The following SYN2 variants were observed in gnomAD, a reference collection of about 807,000 sequenced individuals.
SYN2 encodes the protein synapsin II, also known as synapsin-2.
A neutral mutation model predicts 50.9 loss-of-function variants in SYN2; 19 were observed. The ratio of observed to expected loss-of-function variants is 0.37; its 90% CI spans 0.26 to 0.55. The LOEUF (loss-of-function observed/expected upper bound fraction) is 0.55, where lower values mean the gene tolerates loss of function less well. Among genes scored for constraint, SYN2 ranks in the 20% least tolerant of loss-of-function variants. The probability of loss-of-function intolerance (pLI) is 0.81; values close to 1 mark genes in which losing one functional copy is unlikely to be tolerated. For missense variants in SYN2, 587 were observed against 576.4 expected (o/e 1.02, Z -0.19); for synonymous variants, 255 against 224.9 (o/e 1.13, Z -1.20).
intron 1 of SYN2, among the ~76,000 whole-genome samples, chr3:12,095,383 T>TA (rs1481630392): frequency 2.1e-5 from 3 of 142,316 alleles, no homozygotes; most frequent in Non-Finnish European, 4.6e-5. Flanking sequence ...TCGTCTCTAC[T>TA]AAAAAATACA....
intron 1 of SYN2, among the ~76,000 whole-genome samples, chr3:12,055,276 ATAAT>A (rs2125158227): frequency 6.6e-6 from 1 of 152,278 alleles, no homozygotes; most frequent in Non-Finnish European, 1.5e-5. Context: ...ACACCACTAA[ATAAT>A]TAATGTAAAT....
intron 1 of SYN2, among the ~76,000 whole-genome samples, chr3:12,011,294 A>T (rs1156933512): frequency 1.3e-5 from 2 of 152,234 alleles, no homozygotes; most frequent in Non-Finnish European, 2.9e-5. Flanking sequence ...AGCTTCCCAC[A>T]TAGAAGCAAT....
At chr3:12,068,754 T>C (rs1301677995) in intron 1 of SYN2, among the ~76,000 whole-genome samples, 1 of 152,238 alleles carries the variant, frequency 6.6e-6, no homozygotes, top group Non-Finnish European at 1.5e-5. Context: ...GTTCTCTTCC[T>C]GTGATATTGT....
chr3:12,151,937 G>T (rs1697308916), intron 5 of SYN2, among the ~76,000 whole-genome samples: 2 of 152,190 alleles, frequency 1.3e-5, no homozygotes, highest in Non-Finnish European at 1.5e-5. Flanking sequence ...GGGACGGTTG[G>T]TTGGTAAGGA....
chr3:12,046,986 G>C (rs1160184214), intron 1 of SYN2, among the ~76,000 whole-genome samples: 1 of 152,264 alleles, frequency 6.6e-6, no homozygotes, highest in African/African-American at 2.4e-5. Context: ...GAAGTTGGGT[G>C]TATGGGTTTG....
At chr3:12,175,322 A>G (rs748283801) in intron 10 of SYN2, among the ~76,000 whole-genome samples, 5 of 152,180 alleles carry the variant, frequency 3.3e-5, no homozygotes, top group Non-Finnish European at 7.3e-5. Flanking sequence ...GATCCTTTGG[A>G]TGATCTTGGC....
intron 8 of SYN2, among the ~76,000 whole-genome samples, chr3:12,167,922 C>T (rs1191952235): frequency 6.6e-6 from 1 of 152,152 alleles, no homozygotes; most frequent in East Asian, 1.9e-4. Context: ...TCACCCTTGC[C>T]ACTCCATAGC....
intron 1 of SYN2, among the ~76,000 whole-genome samples, chr3:12,015,020 C>A (rs1014310886): frequency 1.3e-5 from 2 of 152,184 alleles, no homozygotes; most frequent in Admixed American, 6.5e-5. Context: ...GCTTACTTCT[C>A]CTGCCTTGCC....
chr3:12,019,633 CAACTT>C (rs1464432548), intron 1 of SYN2, among the ~76,000 whole-genome samples: 2 of 152,168 alleles, frequency 1.3e-5, no homozygotes, highest in Admixed American at 6.5e-5. Context: ...AAAATGCACT[CAACTT>C]AACTGTGACC....
intron 1 of SYN2, among the ~76,000 whole-genome samples, chr3:12,018,235 A>G (rs1461456697): frequency 6.6e-6 from 1 of 152,170 alleles, no homozygotes; most frequent in East Asian, 1.9e-4. Flanking sequence ...TGGGATTTAG[A>G]TTAGTGAGGA....
At chr3:12,036,321 T>C (rs1384401722) in intron 1 of SYN2, among the ~76,000 whole-genome samples, 1 of 152,312 alleles carries the variant, frequency 6.6e-6, no homozygotes, top group East Asian at 1.9e-4. Flanking sequence ...AGTCTCTGCG[T>C]TGGCCCCCAG....
chr3:12,055,726 C>G (rs1335598325), intron 1 of SYN2, among the ~76,000 whole-genome samples: 1 of 152,064 alleles, frequency 6.6e-6, no homozygotes, highest in Non-Finnish European at 1.5e-5. Flanking sequence ...TCTTTTGATG[C>G]TATTATAAAT....
At chr3:12,177,389 T>C (rs1192448030) in intron 10 of SYN2, among the ~76,000 whole-genome samples, 2 of 152,202 alleles carry the variant, frequency 1.3e-5, no homozygotes, top group Non-Finnish European at 2.9e-5. Context: ...CTTCTCCCAG[T>C]GTGGCCCATG....
intron 1 of SYN2, among the ~76,000 whole-genome samples, chr3:12,052,699 G>T (rs1694893172): frequency 6.6e-6 from 1 of 152,176 alleles, no homozygotes; most frequent in Admixed American, 6.5e-5. Flanking sequence ...AACAAGTCAG[G>T]AGGTTGTTGT....
rs978306600 is a variant in SYN2 at position 12,187,622 on chromosome 3, A to T, written c.1613+10A>T. Reference sequence around the variant, plus strand: ...CTCACCCACAGCTCAAGTAAGAGACAACTCAGCAGCTCCTCCCTCCCCTCC... The same window carrying T: ...CTCACCCACAGCTCAAGTAAGAGACTACTCAGCAGCTCCTCCCTCCCCTCC... On this transcript the variant is annotated intron_variant, in intron 12 of 12. Transcript: ENST00000621198. The T allele has an allele frequency of 2.0e-6, 3 of 1,534,050 alleles. No individual in the cohort carries two copies. The African/African-American group carries it at 4.1e-5, about 21-fold the overall frequency.
At position 12,004,519 on chromosome 3, in the gene SYN2, G is replaced by T. The variant is rs759900410; in HGVS notation, c.-33G>T. 7.3e-6 allele frequency: 4 copies of T among 549,202 alleles called. No individual in the cohort carries two copies. Among genetic ancestry groups the T allele is most frequent in the Admixed American group, 2.9e-5 (1 of 34,408 alleles). 34.0% of individuals were successfully genotyped at this position (549,202 alleles called of 1,614,324 possible). ...CTCTCCCTCCGCGCCACCAGACCCC[G>T]TAGCCCCGCGCGCCCCCAGCCCTTT... On this transcript the variant is annotated 5_prime_UTR_variant, in exon 1 of 13. Coordinates refer to ENST00000621198, the MANE Select transcript of SYN2 (RefSeq NM_133625.6).
intron 1 of SYN2, among the ~76,000 whole-genome samples, chr3:12,109,755 G>C (rs1392815121): frequency 1.3e-5 from 2 of 152,162 alleles, no homozygotes. Flanking sequence ...AGGGAAGTCT[G>C]CCCGTGCAAG....
At chr3:12,172,468 A>G (rs1201016314) in intron 10 of SYN2, among the ~76,000 whole-genome samples, 2 of 152,248 alleles carry the variant, frequency 1.3e-5, no homozygotes, top group African/African-American at 2.4e-5. Context: ...GGGAACGGAT[A>G]CAGATCAAAA....
At chr3:12,128,720 T>G (rs1371770052) in intron 1 of SYN2, among the ~76,000 whole-genome samples, 2 of 152,198 alleles carry the variant, frequency 1.3e-5, no homozygotes, top group Non-Finnish European at 2.9e-5. Flanking sequence ...CTGACCAGCA[T>G]TAAAAGAATG....
Sources: allele counts gnomAD v4.1 joint callset (sites outside exome capture counted in the v4.1 genomes callset), GRCh38; gene constraint gnomAD v4.1.1; transcripts MANE v1.5; gene names NCBI Gene and HGNC (gene_info 2026-07-23, HGNC 2026-07-21).